The following ARFGEF2 variants were observed in gnomAD, a reference collection of about 807,000 sequenced individuals.
ARFGEF2 encodes the protein ARF guanine nucleotide exchange factor 2, also known as brefeldin A-inhibited guanine nucleotide-exchange protein 2.
ARFGEF2 carries 74 observed loss-of-function variants against 219.9 expected under a neutral mutation model. That is an observed-to-expected ratio of 0.34 (90% CI 0.28 to 0.41). ARFGEF2 has a LOEUF of 0.41. ARFGEF2 is among the 10% of genes least tolerant of loss of function. The probability of loss-of-function intolerance (pLI) is 1.00; values close to 1 mark genes in which losing one functional copy is unlikely to be tolerated. For missense variants in ARFGEF2, 1,743 were observed against 2,218.3 expected, an observed-to-expected ratio of 0.79 and a Z score of 4.30; for synonymous variants, 733 against 799.2, an observed-to-expected ratio of 0.92 and a Z score of 1.40.
At chr20:48,995,223 C>T (rs942077399) in intron 22 of ARFGEF2, among the ~76,000 whole-genome samples, 1 of 152,184 alleles carries the variant, frequency 6.6e-6, no homozygotes, top group Admixed American at 6.5e-5. Context: ...ATATGAGCAG[C>T]ATCATACTGC....
intron 6 of ARFGEF2, among the ~76,000 whole-genome samples, chr20:48,958,355 G>A (rs973570568): frequency 2.0e-5 from 3 of 152,178 alleles, no homozygotes; most frequent in African/African-American, 4.8e-5. Context: ...CAGGGACCCG[G>A]ACCAGGCATG....
intron 13 of ARFGEF2, 86 bp downstream of exon 13, chr20:48,974,960 T>C: frequency 8.3e-7 from 1 of 1,204,888 alleles, no homozygotes; most frequent in Non-Finnish European, 1.2e-6. Flanking sequence ...ATAGTTGTCT[T>C]AGAATTGAAA....
At chr20:48,954,052 A>G (rs913553559) in intron 6 of ARFGEF2, among the ~76,000 whole-genome samples, 4 of 152,230 alleles carry the variant, frequency 2.6e-5, no homozygotes, top group Non-Finnish European at 5.9e-5. Flanking sequence ...CCTCAGTGCA[A>G]CAGGTTCAGG....
At chr20:48,990,537 T>C (rs557266671) in intron 20 of ARFGEF2, among the ~76,000 whole-genome samples, 1 of 152,346 alleles carries the variant, frequency 6.6e-6, no homozygotes, top group African/African-American at 2.4e-5. Context: ...TCTGTTCCTA[T>C]TCATTTTACA....
chr20:49,006,680 G>A (rs2091461663), intron 26 of ARFGEF2, among the ~76,000 whole-genome samples: 1 of 152,194 alleles, frequency 6.6e-6, no homozygotes, highest in African/African-American at 2.4e-5. Flanking sequence ...GAACAGGGAA[G>A]AGCAAAAGCA....
At chr20:48,963,175 C>CAAAAAAAAAAAGAAAAAAAAAA (rs2091164750) in intron 6 of ARFGEF2, among the ~76,000 whole-genome samples, 1 of 110,856 alleles carries the variant, frequency 9.0e-6, no homozygotes, top group Non-Finnish European at 1.8e-5. Flanking sequence ...AACTCTGTCT[C>CAAAAAAAAAAAGAAAAAAAAAA]AAAAAAAAAA....
At chr20:49,017,785 G>A (rs917993930) in intron 33 of ARFGEF2, among the ~76,000 whole-genome samples, 1 of 152,136 alleles carries the variant, frequency 6.6e-6, no homozygotes, top group Non-Finnish European at 1.5e-5. Context: ...TTGTGTGACC[G>A]TGCATGCCTA....
intron 20 of ARFGEF2, among the ~76,000 whole-genome samples, chr20:48,990,609 G>A (rs6019574): frequency 0.25 from 37,399 of 152,008 alleles, 5,273 homozygotes; most frequent in East Asian, 0.47. Context: ...TAGGTTTCAA[G>A]ACCCCACTCT....
rs899796257 is a variant in ARFGEF2 at position 49,012,096 on chromosome 20, C to A, written c.3918+12C>A. The A allele has an allele frequency of 1.1e-5, 18 of 1,614,028 alleles. No individual in the cohort carries two copies. Among genetic ancestry groups the A allele is most frequent in the Non-Finnish European group, 1.5e-5 (18 of 1,180,034 alleles). On this transcript the variant is annotated intron_variant, in intron 28 of 38. Coordinates refer to ENST00000371917, the MANE Select transcript of ARFGEF2 (RefSeq NM_006420.3). ...CTGAGAGGCCTCGGGTTCGTTTTTC[C>A]CCACCTTACTCAGATGGGCAGTGAA...
chr20:49,000,232 T>G, intron 25 of ARFGEF2, among the ~76,000 whole-genome samples: 1 of 152,244 alleles, frequency 6.6e-6, no homozygotes, highest in East Asian at 1.9e-4. Flanking sequence ...GTTCCTTGTT[T>G]TTCCATCAGC....
Position 49,032,107 on chromosome 20 carries a change from G to T in ARFGEF2, c.5122G>T (p.Ala1708Ser). The stretch of plus-strand genomic sequence containing the variant: ...TGTGAATTCTGAGAGCCATCGGGAG[G>T]CCTGGACAAGTCTCTTGTTGTTACT... ...ITVNSESHREAWTSLLLLLLT... is the reference protein window; with the variant it reads ...ITVNSESHRESWTSLLLLLLT... The change falls in exon 38 of 39, where the codon GCC becomes TCC. Residue 1708 changes from alanine to serine, a missense_variant. Coordinates refer to ENST00000371917, the MANE Select transcript of ARFGEF2 (RefSeq NM_006420.3). The T allele has an allele frequency of 6.2e-7, 1 of 1,614,090 alleles. No individual in the cohort carries two copies. The highest frequency in any genetic ancestry group is 8.5e-7 in the Non-Finnish European group (1 of 1,180,018).
chr20:48,976,179 C>T lies in ARFGEF2; in HGVS notation c.1938C>T (p.Ile646=). The change falls in exon 14 of 39, where the codon ATC becomes ATT. Residue 646 remains isoleucine, a synonymous_variant. Coordinates refer to ENST00000371917, the MANE Select transcript of ARFGEF2 (RefSeq NM_006420.3). ...QFEVIKQQKE[I]IEHGIELFNK... ...AGGTCATCAAGCAACAAAAAGAAAT[C>T]ATTGAACACGGCATCGAGCTGTGAG... The T allele has an allele frequency of 6.2e-7, 1 of 1,614,040 alleles. No homozygotes were observed. The highest frequency in any genetic ancestry group is 8.5e-7 in the Non-Finnish European group (1 of 1,180,028).
chr20:48,938,613 G>A (rs2090974704), intron 1 of ARFGEF2, among the ~76,000 whole-genome samples: 1 of 152,132 alleles, frequency 6.6e-6, no homozygotes, highest in Non-Finnish European at 1.5e-5. Context: ...TGTACAGTTG[G>A]TTAATGTTAA....
chr20:48,974,719 CTT>C, intron 12 of ARFGEF2, 45 bp from the exon 13 acceptor site: 1 of 1,505,884 alleles, frequency 6.6e-7, no homozygotes, highest in South Asian at 1.2e-5. Context: ...TGTCTGTTCT[CTT>C]CATTTTTCTG....
chr20:48,981,914 C>A (rs773811900), intron 14 of ARFGEF2, among the ~76,000 whole-genome samples: 2 of 152,252 alleles, frequency 1.3e-5, no homozygotes, highest in South Asian at 4.1e-4. Flanking sequence ...AGCTTCCTTG[C>A]GATGGGTTCG....
intron 34 of ARFGEF2, among the ~76,000 whole-genome samples, 177 bp from the exon 35 acceptor site, chr20:49,022,874 G>A (rs1040958929): frequency 6.6e-6 from 1 of 151,914 alleles, no homozygotes; most frequent in African/African-American, 2.4e-5. Context: ...CAGCACTTTG[G>A]GAGGCTGAAG....
intron 6 of ARFGEF2, among the ~76,000 whole-genome samples, chr20:48,961,862 A>T (rs566151550): frequency 1.8e-5 from 2 of 110,658 alleles, no homozygotes; most frequent in Non-Finnish European, 4.2e-5. Flanking sequence ...AGACTCTCTC[A>T]AAAAAAAAAA....
intron 3 of ARFGEF2, among the ~76,000 whole-genome samples, chr20:48,944,735 G>A (rs1375771156): frequency 6.6e-6 from 1 of 152,072 alleles, no homozygotes; most frequent in Non-Finnish European, 1.5e-5. Context: ...CAAAGTTTGG[G>A]GATTACAAAC....
In ARFGEF2 at chr20:48,994,562, A is replaced by C. The variant is rs760406286; in HGVS notation, c.3085A>C (p.Thr1029Pro). 6.2e-7 allele frequency: 1 copy of C among 1,614,130 alleles called. No individual in the cohort carries two copies. Among genetic ancestry groups the C allele is most frequent in the South Asian group, 1.1e-5 (1 of 91,084 alleles). ...REREGSLKGH[T>P]LAGEEFMGLG... Reference sequence around the variant, plus strand: ...AAGAGAAGGGAGCCTGAAGGGCCACACATTGGCAGGAGAAGAGTTCATGGG... The same window carrying C: ...AAGAGAAGGGAGCCTGAAGGGCCACCCATTGGCAGGAGAAGAGTTCATGGG... The change falls in exon 22 of 39, where the codon ACA becomes CCA. Residue 1029 changes from threonine to proline, a missense_variant. By Grantham distance (38) the Thr-to-Pro change is conservative. Transcript: ENST00000371917.
Sources: allele counts gnomAD v4.1 joint callset (sites outside exome capture counted in the v4.1 genomes callset), GRCh38; gene constraint gnomAD v4.1.1; transcripts MANE v1.5; gene names NCBI Gene and HGNC (gene_info 2026-07-23, HGNC 2026-07-21).